Variants in SENP7 observed in about 807,000 individuals in gnomAD.
The protein encoded by SENP7 is sentrin-specific protease 7.
Under a neutral mutation model 141.2 loss-of-function variants are expected in SENP7, and 64 were observed. The observed-to-expected ratio is 0.45, with a 90% CI of 0.37 to 0.56. SENP7 has a LOEUF of 0.56. Among genes scored for constraint, SENP7 ranks in the 20% least tolerant of loss-of-function variants. The pLI, the probability that SENP7 is intolerant of heterozygous loss-of-function variation, is 0.00. For missense variants in SENP7, 1,025 were observed against 1,212.2 expected (o/e 0.85, Z 2.29); for synonymous variants, 382 against 426.4 (o/e 0.90, Z 1.28).
At chr3:101,368,716 G>T (rs1185907649) in intron 7 of SENP7, among the ~76,000 whole-genome samples, 2 of 151,696 alleles carry the variant, frequency 1.3e-5, no homozygotes, top group Non-Finnish European at 2.9e-5. Context: ...ACGTACCCTA[G>T]GACTTAAAGT....
chr3:101,444,864 C>T (rs1262169630), intron 4 of SENP7, among the ~76,000 whole-genome samples: 1 of 151,632 alleles, frequency 6.6e-6, no homozygotes, highest in Non-Finnish European at 1.5e-5. Context: ...GCACATTGTG[C>T]ACATGTACCC....
At chr3:101,510,200 C>T (rs1049280140) in intron 1 of SENP7, among the ~76,000 whole-genome samples, 1 of 152,236 alleles carries the variant, frequency 6.6e-6, no homozygotes, top group Non-Finnish European at 1.5e-5. Flanking sequence ...CATTCAACTT[C>T]AGTGAACCTG....
At chr3:101,388,730 A>T (rs12491922) in intron 6 of SENP7, among the ~76,000 whole-genome samples, 28,129 of 151,952 alleles carry the variant, frequency 0.19, 3,084 homozygotes, top group Admixed American at 0.35. Flanking sequence ...AACACAAATA[A>T]ATAATATGAA....
rs150092830 is a variant in SENP7 at position 101,423,640 on chromosome 3, C to T, written c.285-5850G>A. On this transcript the variant is annotated intron_variant, in intron 4 of 23. Coordinates refer to ENST00000394095, the MANE Select transcript of SENP7 (RefSeq NM_020654.5). ...AATGGCTACCACCAAGGGACCAAGACGATGGGTGCACTCCTAATAGATCTT... is the reference window on the plus strand; with the variant it reads ...AATGGCTACCACCAAGGGACCAAGATGATGGGTGCACTCCTAATAGATCTT... 3.1e-3 allele frequency among the ~76,000 whole-genome samples: 465 copies of T among 152,220 alleles called. 2 individuals carry two copies. The highest frequency in any genetic ancestry group is 9.9e-3 in the African/African-American group (411 of 41,540).
intron 6 of SENP7, among the ~76,000 whole-genome samples, chr3:101,392,656 A>G (rs914970487): frequency 6.6e-6 from 1 of 152,216 alleles, no homozygotes; most frequent in South Asian, 2.1e-4. Flanking sequence ...TCAAAATGCC[A>G]ATGATATTCT....
chr3:101,365,546 G>A (rs557776731), intron 9 of SENP7, among the ~76,000 whole-genome samples: 1 of 142,420 alleles, frequency 7.0e-6, no homozygotes, highest in South Asian at 2.3e-4. Context: ...TGATTAAGGA[G>A]ATTACTTGAG....
At chr3:101,480,864 A>C (rs2064441814) in intron 3 of SENP7, among the ~76,000 whole-genome samples, 1 of 152,116 alleles carries the variant, frequency 6.6e-6, no homozygotes, top group African/African-American at 2.4e-5. Flanking sequence ...CAACAGGTAC[A>C]TGAAAAAATG....
chr3:101,439,115 C>G (rs1452367657), intron 4 of SENP7, among the ~76,000 whole-genome samples: 1 of 117,264 alleles, frequency 8.5e-6, no homozygotes, highest in East Asian at 2.5e-4. Context: ...GCCATCACAT[C>G]TAGGAAGTGA....
chr3:101,412,028 T>C (rs2061470280), intron 5 of SENP7, among the ~76,000 whole-genome samples: 1 of 152,100 alleles, frequency 6.6e-6, no homozygotes, highest in African/African-American at 2.4e-5. Context: ...CTTGTTTAAA[T>C]AGCAAGGAAA....
rs1183160874 is a variant in SENP7, at chr3:101,372,019, G to A, written c.785C>T (p.Thr262Ile). The change falls in exon 7 of 24, where the codon ACT becomes ATT. Residue 262 changes from threonine to isoleucine, a missense_variant. Physicochemically the swap from Thr to Ile is moderately conservative, Grantham distance 89 (BLOSUM62 -1). Transcript: ENST00000394095. Reference sequence around the variant, plus strand: ...TAAGGTTCACAAACCTTCAGGCTGAGTATCAGATATTAAAAGAGAAATGCC... The same window carrying A: ...TAAGGTTCACAAACCTTCAGGCTGAATATCAGATATTAAAAGAGAAATGCC... ...DDGISLLISD[T>I]QPEDLNSGSR... 1.3e-6 allele frequency: 2 copies of A among 1,521,228 alleles called. No individual in the cohort carries two copies. The highest frequency in any genetic ancestry group is 1.7e-5 in the Admixed American group (1 of 58,186). 94.2% of individuals were successfully genotyped at this position (1,521,228 alleles called of 1,614,324 possible). A position where few individuals can be genotyped will look rare whatever the true frequency, so the allele number is the denominator to read the frequency against.
chr3:101,512,293 AC>A (rs1371500760), intron 1 of SENP7, among the ~76,000 whole-genome samples: 1 of 151,838 alleles, frequency 6.6e-6, no homozygotes, highest in Non-Finnish European at 1.5e-5. Flanking sequence ...GGACTTGAGG[AC>A]CCCCTAATGG....
chr3:101,416,404 T>C (rs2061623930), intron 5 of SENP7, among the ~76,000 whole-genome samples: 1 of 152,206 alleles, frequency 6.6e-6, no homozygotes, highest in African/African-American at 2.4e-5. Context: ...TTGTTGTCAT[T>C]TGAAGAGAGT....
chr3:101,512,087 T>C (rs1226738139), intron 1 of SENP7, among the ~76,000 whole-genome samples: 1 of 152,228 alleles, frequency 6.6e-6, no homozygotes, highest in South Asian at 2.1e-4. Flanking sequence ...CCCAAGGTGT[T>C]GGCATTACAG....
At chr3:101,415,949 A>T (rs746320925) in intron 5 of SENP7, among the ~76,000 whole-genome samples, 1 of 152,218 alleles carries the variant, frequency 6.6e-6, no homozygotes, top group Non-Finnish European at 1.5e-5. Flanking sequence ...CCCCCAAAAA[A>T]ATATATATAT....
intron 1 of SENP7, among the ~76,000 whole-genome samples, chr3:101,501,906 T>C (rs1035591492): frequency 2.0e-5 from 3 of 152,196 alleles, no homozygotes; most frequent in Non-Finnish European, 4.4e-5. Flanking sequence ...ATTTTCAAAA[T>C]GATGCTGAGG....
chr3:101,389,370 A>G (rs2060747854), intron 6 of SENP7, among the ~76,000 whole-genome samples: 1 of 152,202 alleles, frequency 6.6e-6, no homozygotes, highest in Non-Finnish European at 1.5e-5. Context: ...CTACCAAGTC[A>G]GAGACAACAA....
intron 4 of SENP7, among the ~76,000 whole-genome samples, chr3:101,421,821 G>C (rs542827003): frequency 2.6e-5 from 4 of 152,234 alleles, no homozygotes; most frequent in Admixed American, 6.5e-5. Flanking sequence ...CTGTATACCA[G>C]AAGAGAAACT....
In SENP7 at chr3:101,479,892, C is replaced by CAAAAA. The variant is rs1168285268; in HGVS notation, c.186+13976_186+13980dup. ...ATAGCAATTCCACTTACAACAGCTA[C>CAAAAA]AAAAAAAAAAAAAAAAAAAAAAAAA... On this transcript the variant is annotated intron_variant, in intron 3 of 23. Transcript: ENST00000394095. Among the ~76,000 whole-genome samples, 20 of 7,340 alleles carry CAAAAA rather than the reference C, an allele frequency of 2.7e-3. 4 individuals are homozygous for CAAAAA. The highest frequency in any genetic ancestry group is 3.8e-3 in the Non-Finnish European group (17 of 4,440). 4.8% of individuals were successfully genotyped at this position (7,340 alleles called of 152,430 possible).
intron 3 of SENP7, among the ~76,000 whole-genome samples, chr3:101,459,964 CAAT>C (rs1159930156): frequency 1.3e-5 from 2 of 151,958 alleles, no homozygotes; most frequent in East Asian, 3.9e-4. Flanking sequence ...ATAAAATACT[CAAT>C]AATAAATTTA....
Sources: gnomAD v4.1 joint callset for allele counts (sites outside exome capture counted in the v4.1 genomes callset) on GRCh38, gnomAD v4.1.1 for gene constraint, MANE v1.5 for transcripts, NCBI Gene and HGNC (gene_info 2026-07-23, HGNC 2026-07-21) for gene names.